WRAP73: variants seen among roughly 807,000 people sequenced by gnomAD.
The protein encoded by WRAP73 is WD repeat containing, antisense to TP73, also known as WD repeat-containing protein WRAP73.
Under a neutral mutation model 59.6 loss-of-function variants are expected in WRAP73, and 55 were observed. The observed-to-expected ratio is 0.92, with a 90% CI of 0.74 to 1.15. The LOEUF (loss-of-function observed/expected upper bound fraction) is 1.15, where lower values mean the gene tolerates loss of function less well. WRAP73 is among the 50% of genes most tolerant of loss of function. The probability of loss-of-function intolerance (pLI) is 0.00; values close to 1 mark genes in which losing one functional copy is unlikely to be tolerated. For missense variants in WRAP73, 592 were observed against 608.1 expected, an observed-to-expected ratio of 0.97 and a Z score of 0.28; for synonymous variants, 265 against 258.2, an observed-to-expected ratio of 1.03 and a Z score of -0.25.
chr1:3,649,606 A>G (rs531639534), intron 1 of WRAP73, among the ~76,000 whole-genome samples: 1 of 142,964 alleles, frequency 7.0e-6, no homozygotes, highest in African/African-American at 2.7e-5. Flanking sequence ...GGGGTCCTGC[A>G]CCTGTCCGGC....
rs534154068 is a variant in WRAP73 at position 3,634,878 on chromosome 1, C to T, written c.816+119G>A. The T allele has an allele frequency of 4.2e-5, 51 of 1,207,188 alleles. No homozygotes were observed. In the South Asian group the frequency reaches 5.4e-4, roughly 13 times the overall value. The allele number at this position is 1,207,188 out of a possible 1,614,324, so 74.8% of individuals were successfully genotyped here. A position where few individuals can be genotyped will look rare whatever the true frequency, so the allele number is the denominator to read the frequency against. ...GTGAAATGTCACAGTAGCAAGTTTA[C>T]GGTGATGGAAGTGCCCGGTTAAATA... On this transcript the variant is annotated intron_variant, in intron 8 of 11. Coordinates refer to ENST00000270708, the MANE Select transcript of WRAP73 (RefSeq NM_017818.4).
chr1:3,645,196 T>A (rs1570310292), intron 3 of WRAP73, among the ~76,000 whole-genome samples: 1 of 152,142 alleles, frequency 6.6e-6, no homozygotes. Flanking sequence ...GGATAAAACT[T>A]TATCCCAGCC....
Position 3,633,300 on chromosome 1 carries a change from T to G in WRAP73, c.922+98A>C, listed in dbSNP as rs574986879. 11 of 1,257,574 alleles carry G rather than the reference T, an allele frequency of 8.7e-6. No individual in the cohort carries two copies. In the African/African-American group the frequency reaches 9.1e-5, roughly 10 times the overall value. 77.9% of individuals were successfully genotyped at this position (1,257,574 alleles called of 1,614,324 possible). A position where few individuals can be genotyped will look rare whatever the true frequency, so the allele number is the denominator to read the frequency against. ...TGGAAGCATGGAAGGGAAAAAAAGT[T>G]TTTTTTTTTAAACATAAGGAACATC... On this transcript the variant is annotated intron_variant, in intron 9 of 11. Coordinates refer to ENST00000270708, the MANE Select transcript of WRAP73 (RefSeq NM_017818.4).
chr1:3,649,973 G>T lies in WRAP73; in HGVS notation c.27C>A (p.Leu9=). The T allele has an allele frequency of 1.2e-6, 2 of 1,603,526 alleles. No homozygotes were observed. The highest frequency in any genetic ancestry group is 1.7e-6 in the Non-Finnish European group (2 of 1,176,360). Residue 9 remains leucine (L), a synonymous_variant, in exon 1 of 12, where the codon CTC becomes CTA. Transcript: ENST00000270708. MNFSEVFK[L]SSLLCKFSPD... ...GGGAGAACTTGCAGAGTAAGCTGGA[G>T]AGCTTGAATACCTCGGAGAAGTTCA...
In WRAP73 at chr1:3,631,622, G is replaced by C; in HGVS notation, c.1084C>G (p.Gln362Glu). 7 of 1,602,222 alleles carry C rather than the reference G, an allele frequency of 4.4e-6. No homozygotes were observed. The highest frequency in any genetic ancestry group is 5.1e-6 in the Non-Finnish European group (6 of 1,179,300). ...AGCACCGCGAACAGCCTCAGCTTCT[G>C]AATGTCCCAGACCCAGACGGCATTG... Reference protein sequence around the residue: ...IPNAVWVWDIQKLRLFAVLEQ... With the variant: ...IPNAVWVWDIEKLRLFAVLEQ... The change falls in exon 11 of 12, where the codon CAG becomes GAG. Residue 362 changes from glutamine to glutamate, a missense_variant. By Grantham distance (29) the Gln-to-Glu change is conservative. Transcript: ENST00000270708.
intron 3 of WRAP73, among the ~76,000 whole-genome samples, chr1:3,643,457 G>A (rs1006753413): frequency 6.6e-6 from 1 of 152,238 alleles, no homozygotes; most frequent in African/African-American, 2.4e-5. Flanking sequence ...TCGTCTAATG[G>A]GCGCAAGCTT....
At position 3,647,552 on chromosome 1, in the gene WRAP73, AC is replaced by A; in HGVS notation, c.77del (p.Cys26LeufsTer6). 6.2e-7 allele frequency: 1 copy of A among 1,608,784 alleles called. No individual in the cohort carries two copies. The highest frequency in any genetic ancestry group is 8.5e-7 in the Non-Finnish European group (1 of 1,178,154). ...FSPDGKYLASCVQYRLVVRDV... is the reference protein window; with the variant it reads ...FSPDGKYLASXVQYRLVVRDV... ...CCCGGACCACTAACCGGTACTGGAC[AC>A]AGGAAGCCTAAAAAATATGAGAAAG... On this transcript the variant is annotated frameshift_variant, in exon 2 of 12. Transcript: ENST00000270708. LOFTEE classifies it high-confidence loss of function.
intron 4 of WRAP73, among the ~76,000 whole-genome samples, chr1:3,638,160 G>A (rs1004433557): frequency 2.0e-5 from 3 of 152,244 alleles, no homozygotes; most frequent in African/African-American, 4.8e-5. Context: ...AAGACAGTGC[G>A]GTGTCGTCCA....
chr1:3,632,366 A>T (rs905655477), intron 9 of WRAP73, 28 bp from the exon 10 acceptor site: 2 of 1,613,792 alleles, frequency 1.2e-6, no homozygotes, highest in African/African-American at 2.7e-5. Context: ...AGAACACGCC[A>T]TTGTCACCCT....
intron 2 of WRAP73, 97 bp downstream of exon 2, chr1:3,647,311 G>A (rs1644701125): frequency 7.5e-7 from 1 of 1,325,558 alleles, no homozygotes; most frequent in Non-Finnish European, 9.9e-7. Flanking sequence ...GAGCTGCACG[G>A]ACTTTTTTTT....
intron 3 of WRAP73, 34 bp from the exon 4 acceptor site, chr1:3,638,856 C>A: frequency 6.2e-7 from 1 of 1,611,156 alleles, no homozygotes; most frequent in Non-Finnish European, 8.5e-7. Context: ...AAAGGAAACA[C>A]TTCTTTAGCA....
rs760371845 is a variant in WRAP73 at position 3,637,025 on chromosome 1, G to C, written c.486C>G (p.Ile162Met). 1.4e-5 allele frequency: 23 copies of C among 1,613,780 alleles called. No homozygotes were observed. Among genetic ancestry groups the C allele is most frequent in the Non-Finnish European group, 1.9e-5 (23 of 1,180,016 alleles). The change falls in exon 5 of 12, where the codon ATC becomes ATG. Residue 162 changes from isoleucine (I) to methionine (M), a missense_variant. Ile to Met is a conservative substitution (Grantham distance 10, BLOSUM62 1). Transcript: ENST00000270708. ...GGAGCTGCCAATCACTGCAGACGAAGATGCTCACGTAATCTTTGCAGTCGC... is the reference window on the plus strand; with the variant it reads ...GGAGCTGCCAATCACTGCAGACGAACATGCTCACGTAATCTTTGCAGTCGC... Reference protein sequence around the residue: ...ERRDCKDYVSIFVCSDWQLLR... With the variant: ...ERRDCKDYVSMFVCSDWQLLR...
chr1:3,634,827 A>G lies in WRAP73; in HGVS notation c.816+170T>C. ...CTTTGGGCAGCGTGGAGGAGGAAGA[A>G]CAAAGGCCAGGGCAGGGCCAGACGC... On this transcript the variant is annotated intron_variant, in intron 8 of 11. Transcript: ENST00000270708. The G allele has an allele frequency of 6.0e-6, 5 of 837,922 alleles. No homozygotes were observed. In the South Asian group the frequency reaches 7.6e-5, roughly 13 times the overall value. 51.9% of individuals were successfully genotyped at this position (837,922 alleles called of 1,614,324 possible). A position where few individuals can be genotyped will look rare whatever the true frequency, so the allele number is the denominator to read the frequency against.
intron 9 of WRAP73, chr1:3,633,042 A>T (rs1468062539): frequency 3.5e-6 from 1 of 282,494 alleles, no homozygotes; most frequent in Non-Finnish European, 6.8e-6. Flanking sequence ...AGCCGGAGAC[A>T]GCGCTCGGGA....
chr1:3,633,212 C>T (rs1327832421), intron 9 of WRAP73, 186 bp downstream of exon 9: 8 of 618,374 alleles, frequency 1.3e-5, no homozygotes, highest in Middle Eastern at 3.0e-4. Context: ...CGCACCTTCA[C>T]GGCCCACTGC....
intron 9 of WRAP73, chr1:3,632,714 C>T (rs1644548332): frequency 3.0e-6 from 1 of 336,654 alleles, no homozygotes; most frequent in Non-Finnish European, 5.8e-6. Flanking sequence ...ACCTCAGCGT[C>T]AGTACCCTTA....
chr1:3,633,236 T>C (rs994316731), intron 9 of WRAP73, 162 bp downstream of exon 9: 62 of 706,078 alleles, frequency 8.8e-5, no homozygotes, highest in Non-Finnish European at 1.4e-4. Flanking sequence ...ATTCAGACCC[T>C]AGTCAACCTC....
chr1:3,642,170 G>A (rs1270197772), intron 3 of WRAP73, among the ~76,000 whole-genome samples: 1 of 152,180 alleles, frequency 6.6e-6, no homozygotes, highest in African/African-American at 2.4e-5. Context: ...GAAGGATTGC[G>A]TGAGTTTAGG....
Position 3,631,467 on chromosome 1 carries a change from T to C in WRAP73, c.1239A>G (p.Glu413=), listed in dbSNP as rs199890033. The C allele has an allele frequency of 3.8e-6, 6 of 1,592,632 alleles. No individual in the cohort carries two copies. In the East Asian group the frequency reaches 1.4e-4, roughly 36 times the overall value. The stretch of plus-strand genomic sequence containing the variant: ...CCGTGGCCTCGGGGATGTGCTTACC[T>C]TCCCCAGGCACCTGCACCGACATGC... ...AGCMSVQVPG[E]GDFAVLSLCW... is the part of the protein sequence containing the mutation. Residue 413 remains glutamate, a splice_region_variant and synonymous_variant, in exon 11 of 12, where the codon GAA becomes GAG. Transcript: ENST00000270708.
Sources: allele counts gnomAD v4.1 joint callset (sites outside exome capture counted in the v4.1 genomes callset), GRCh38; gene constraint gnomAD v4.1.1; transcripts MANE v1.5; gene names NCBI Gene and HGNC (gene_info 2026-07-23, HGNC 2026-07-21).